Variants in TRIM29 observed in about 807,000 individuals in gnomAD.
TRIM29 encodes tripartite motif-containing protein 29.
Under a neutral mutation model 57.3 loss-of-function variants are expected in TRIM29, and 52 were observed. The observed-to-expected ratio is 0.91, with a 90% CI of 0.73 to 1.14. TRIM29 has a LOEUF of 1.14. TRIM29 is among the 50% of genes most tolerant of loss of function. The probability of loss-of-function intolerance (pLI) is 0.00; values close to 1 mark genes in which losing one functional copy is unlikely to be tolerated. For missense variants in TRIM29, 753 were observed against 774.6 expected, an observed-to-expected ratio of 0.97 and a Z score of 0.33; for synonymous variants, 319 against 316.9, an observed-to-expected ratio of 1.01 and a Z score of -0.07.
chr11:120,122,947 C>T lies in TRIM29; in HGVS notation c.1435+7G>A, dbSNP rs1277531457. 5.0e-6 allele frequency: 8 copies of T among 1,613,504 alleles called. No individual in the cohort carries two copies. The East Asian group carries it at 1.3e-4, about 27-fold the overall frequency. ...CACTAGGTCTGGGGTGAGGGGCTCC[C>T]TCTTACCTTTGGGTGTCAGGTACAT... On this transcript the variant is annotated splice_region_variant and intron_variant, in intron 5 of 8. Transcript: ENST00000341846.
At chr11:120,124,015 G>A (rs949714996) in intron 4 of TRIM29, 3 of 155,472 alleles carry the variant, frequency 1.9e-5, no homozygotes, top group Non-Finnish European at 2.8e-5. Context: ...CTGACTCACC[G>A]GCCACCACCT....
chr11:120,125,852 G>C lies in TRIM29; in HGVS notation c.1172C>G (p.Pro391Arg), dbSNP rs200991578. Residue 391 changes from proline to arginine, a missense_variant, in exon 4 of 9, where the codon CCA (proline) becomes CGA (arginine). By Grantham distance (103) the Pro-to-Arg change is moderately radical (BLOSUM62 -2). Transcript: ENST00000341846. ...CAGGACATGATAGGTGGGCAGGGGT[G>C]GGGGGAGAGAGTAATTGCTCATCAA... ...GALMSNYSLPPPLPTYHVLLE... is the reference protein window; with the variant it reads ...GALMSNYSLPRPLPTYHVLLE... The C allele has an allele frequency of 4.9e-5, 79 of 1,614,032 alleles. No homozygotes were observed. The Admixed American group carries it at 6.5e-4, about 13-fold the overall frequency.
chr11:120,115,706 C>T (rs1023652565), intron 7 of TRIM29: 1 of 428,664 alleles, frequency 2.3e-6, no homozygotes, highest in Admixed American at 3.9e-5. Context: ...CAGCATCACA[C>T]TGCTCTGCAG....
At position 120,137,288 on chromosome 11, in the gene TRIM29, C is replaced by T; in HGVS notation, c.744G>A (p.Met248Ile). 6.2e-7 allele frequency: 1 copy of T among 1,614,174 alleles called. No homozygotes were observed. Among genetic ancestry groups the T allele is most frequent in the Non-Finnish European group, 8.5e-7 (1 of 1,180,026 alleles). The stretch of plus-strand genomic sequence containing the variant: ...TGCTATGATTCTTGTGCTCCTGGAA[C>T]ATGCAAAGGTAGCAGATGCAGGTCT... ...TDQTCICYLC[M>I]FQEHKNHSTV... Residue 248 changes from methionine (M) to isoleucine (I), a missense_variant, in exon 1 of 9, where the codon ATG becomes ATA. By Grantham distance (10) the Met-to-Ile change is conservative. Transcript: ENST00000341846. This position sits in a 1 kb window ranked among gnomAD's most constrained non-coding sequence, Gnocchi z 6.2.
In TRIM29 at chr11:120,137,369, C is replaced by T. The variant is rs763635614; in HGVS notation, c.663G>A (p.Glu221=). The T allele has an allele frequency of 3.7e-6, 6 of 1,613,700 alleles. No homozygotes were observed. The Admixed American group carries it at 1.0e-4, about 27-fold the overall frequency. The change falls in exon 1 of 9, where the codon GAG becomes GAA. Residue 221 remains glutamate, a synonymous_variant. Coordinates refer to ENST00000341846, the MANE Select transcript of TRIM29 (RefSeq NM_012101.4). This position sits in a 1 kb window ranked among gnomAD's most constrained non-coding sequence, Gnocchi z 6.2. ...TGCCATGCACGGGACACTTGCGGGCCTCAAAGTCCCGGATGGGCTCGAGCA... is the reference window on the plus strand; with the variant it reads ...TGCCATGCACGGGACACTTGCGGGCTTCAAAGTCCCGGATGGGCTCGAGCA... ...HQLLEPIRDF[E]ARKCPVHGKT... is the part of the protein sequence containing the mutation.
Position 120,137,235 on chromosome 11 carries a change from T to C in TRIM29, c.797A>G (p.Glu266Gly), listed in dbSNP as rs767087580. Residue 266 changes from glutamate (E) to glycine (G), a missense_variant, in exon 1 of 9, where the codon GAG (glutamate) becomes GGG (glycine). Physicochemically the swap from Glu to Gly is moderately conservative, Grantham distance 98 (BLOSUM62 -2). Coordinates refer to ENST00000341846, the MANE Select transcript of TRIM29 (RefSeq NM_012101.4). The surrounding 1 kb of genome is among the most constrained non-coding windows in gnomAD (Gnocchi z 6.2). The part of the protein sequence containing the change: ...STVTVEEAKA[E>G]KETELSLQKE... Reference sequence around the variant, plus strand: ...AGGGGCCCCAGCACTTACCTCCTTCTCGGCCTTGGCCTCCTCCACTGTCAC... The same window carrying C: ...AGGGGCCCCAGCACTTACCTCCTTCCCGGCCTTGGCCTCCTCCACTGTCAC... The C allele has an allele frequency of 7.4e-6, 12 of 1,613,896 alleles. No individual in the cohort carries two copies. Among genetic ancestry groups the C allele is most frequent in the Admixed American group, 5.0e-5 (3 of 59,998 alleles).
intron 1 of TRIM29, among the ~76,000 whole-genome samples, chr11:120,131,691 G>T (rs983352129): frequency 6.6e-6 from 1 of 151,302 alleles, no homozygotes; most frequent in Non-Finnish European, 1.5e-5. Flanking sequence ...CTCACCTCTG[G>T]GATGAGTCCT....
intron 6 of TRIM29, among the ~76,000 whole-genome samples, chr11:120,120,171 GT>G (rs1319693373): frequency 3.4e-5 from 4 of 118,738 alleles, no homozygotes; most frequent in Non-Finnish European, 7.7e-5. Context: ...CCTCATACTT[GT>G]GGGGGGGGTG....
intron 7 of TRIM29, chr11:120,116,937 G>A (rs1396376906): frequency 5.1e-6 from 2 of 390,532 alleles, no homozygotes; most frequent in East Asian, 8.2e-5. Context: ...GAAAAGGGGA[G>A]GGATGGAAAA....
At chr11:120,126,532 C>A (rs1415735527) in intron 3 of TRIM29, among the ~76,000 whole-genome samples, 1 of 152,204 alleles carries the variant, frequency 6.6e-6, no homozygotes, top group East Asian at 1.9e-4. Context: ...GCGTGAGCCA[C>A]CATGCCCAGC....
At chr11:120,136,150 C>T (rs1053837241) in intron 1 of TRIM29, among the ~76,000 whole-genome samples, 1 of 152,196 alleles carries the variant, frequency 6.6e-6, no homozygotes, top group Non-Finnish European at 1.5e-5. Context: ...AAAACACCCA[C>T]GTGCACATAA....
At chr11:120,118,350 C>T (rs755581536) in intron 6 of TRIM29, 29 bp from the exon 7 acceptor site, 19 of 1,573,688 alleles carry the variant, frequency 1.2e-5, no homozygotes, top group Non-Finnish European at 1.1e-5. Context: ...GCTGTCAGGC[C>T]CCCACAGCTG....
At chr11:120,114,744 A>G (rs1863224229) in intron 8 of TRIM29, among the ~76,000 whole-genome samples, 1 of 152,170 alleles carries the variant, frequency 6.6e-6, no homozygotes, top group African/African-American at 2.4e-5. Flanking sequence ...CAGAGAGGGT[A>G]TCTAATTCAT....
chr11:120,116,687 C>T (rs1359937920), intron 7 of TRIM29: 1 of 161,916 alleles, frequency 6.2e-6, no homozygotes, highest in African/African-American at 2.4e-5. Context: ...GGCCTCATCT[C>T]TCAGTTCCCA....
At position 120,128,781 on chromosome 11, in the gene TRIM29, C is replaced by A. The variant is rs538768745; in HGVS notation, c.805-286G>T. On this transcript the variant is annotated intron_variant, in intron 1 of 8. Transcript: ENST00000341846. Reference sequence around the variant, plus strand: ...TTAAGGGCTAAACCTCTGCCTATCTCCTCCACCCAGCAAGAGCAGGAGGGA... The same window carrying A: ...TTAAGGGCTAAACCTCTGCCTATCTACTCCACCCAGCAAGAGCAGGAGGGA... 72 of 1,533,644 alleles carry A rather than the reference C, an allele frequency of 4.7e-5. No homozygotes were observed. In the African/African-American group the frequency reaches 8.1e-4, roughly 17 times the overall value.
Position 120,111,355 on chromosome 11 carries a change from C to G in TRIM29, c.*1059G>C, listed in dbSNP as rs1370917920. ...TGTCTCCCTCCCCAACCCCTGCAAGCTGGCCCATCCTTCCAGAGCCCCCAT... is the reference window on the plus strand; with the variant it reads ...TGTCTCCCTCCCCAACCCCTGCAAGGTGGCCCATCCTTCCAGAGCCCCCAT... On this transcript the variant is annotated 3_prime_UTR_variant, in exon 9 of 9. Coordinates refer to ENST00000341846, the MANE Select transcript of TRIM29 (RefSeq NM_012101.4). The G allele has an allele frequency of 6.6e-6, 1 of 152,530 alleles. No individual in the cohort carries two copies. The highest frequency in any genetic ancestry group is 2.4e-5 in the African/African-American group (1 of 41,464). 9.4% of individuals were successfully genotyped at this position (152,530 alleles called of 1,614,324 possible).
chr11:120,130,125 G>A (rs2135022746), intron 1 of TRIM29, among the ~76,000 whole-genome samples: 1 of 152,262 alleles, frequency 6.6e-6, no homozygotes, highest in African/African-American at 2.4e-5. Flanking sequence ...AAGAGCCCAG[G>A]AAACACAGGC....
chr11:120,112,469 T>C lies in TRIM29; in HGVS notation c.1712A>G (p.Tyr571Cys). Residue 571 changes from tyrosine (Y) to cysteine (C), a missense_variant, in exon 9 of 9, where the codon TAC (tyrosine) becomes TGC (cysteine). Transcript: ENST00000341846. ...GCCTTTGTTGACGTAGAATGGCCGGTAGTGAGACTGTGGGGGAAACAAGAG... is the reference window on the plus strand; with the variant it reads ...GCCTTTGTTGACGTAGAATGGCCGGCAGTGAGACTGTGGGGGAAACAAGAG... ...KSGKQTMLSH[Y>C]RPFYVNKGNG... is the part of the protein sequence containing the mutation. The C allele has an allele frequency of 1.2e-6, 2 of 1,613,454 alleles. No homozygotes were observed. The highest frequency in any genetic ancestry group is 2.2e-5 in the East Asian group (1 of 44,830).
intron 6 of TRIM29, among the ~76,000 whole-genome samples, chr11:120,119,620 C>T (rs1390999854): frequency 2.0e-5 from 3 of 152,218 alleles, no homozygotes; most frequent in African/African-American, 7.2e-5. Context: ...CCTCAAGGTG[C>T]CCAAGGTCTA....
Sources: gnomAD v4.1 joint callset for allele counts (sites outside exome capture counted in the v4.1 genomes callset) on GRCh38, gnomAD v4.1.1 for gene constraint, Gnocchi (gnomAD v3.1) non-coding constraint, MANE v1.5 for transcripts, NCBI Gene and HGNC (gene_info 2026-07-23, HGNC 2026-07-21) for gene names.